Variants in FHOD3 observed in about 807,000 individuals in gnomAD.
The protein encoded by FHOD3 is FH1/FH2 domain-containing protein 3.
FHOD3 carries 90 observed loss-of-function variants against 173.0 expected under a neutral mutation model. That is an observed-to-expected ratio of 0.52 (90% confidence interval 0.44 to 0.62). The LOEUF is 0.62. Ranked by LOEUF, FHOD3 falls within the 20% of genes least tolerant of loss-of-function variation. The pLI, the probability that FHOD3 is intolerant of heterozygous loss-of-function variation, is 0.00. For synonymous variants in FHOD3, 828 were observed against 823.0 expected (o/e 1.01, Z -0.10); for missense variants, 1,945 against 2,034.7 (o/e 0.96, Z 0.85).
At chr18:36,717,651 GGACT>G (rs1247859225) in intron 18 of FHOD3, among the ~76,000 whole-genome samples, 177 bp from the exon 19 acceptor site, 4 of 152,090 alleles carry the variant, frequency 2.6e-5, no homozygotes, top group African/African-American at 9.7e-5. Flanking sequence ...TGGGTCTTTG[GGACT>G]ATAAAGCAGC....
chr18:36,378,831 C>T (rs2047588478), intron 3 of FHOD3, among the ~76,000 whole-genome samples: 1 of 152,058 alleles, frequency 6.6e-6, no homozygotes, highest in South Asian at 2.1e-4. Flanking sequence ...TACAGGCATG[C>T]ACCACCATGC....
intron 1 of FHOD3, among the ~76,000 whole-genome samples, chr18:36,305,547 G>T (rs1276298840): frequency 6.6e-6 from 1 of 152,220 alleles, no homozygotes; most frequent in Non-Finnish European, 1.5e-5. Flanking sequence ...AGAATGAAAT[G>T]CCAGAGCTGT....
At chr18:36,380,583 C>T (rs8086465) in intron 3 of FHOD3, among the ~76,000 whole-genome samples, 226 of 81,270 alleles carry the variant, frequency 2.8e-3, no homozygotes, top group African/African-American at 7.5e-3. Context: ...TTTTCTTTTC[C>T]TTTCCTTTCC....
Position 36,718,230 on chromosome 18 carries a change from T to C in FHOD3, c.2932T>C (p.Tyr978His), listed in dbSNP as rs1387084576. The change falls in exon 19 of 29, where the codon TAC (tyrosine) becomes CAC (histidine). Residue 978 changes from tyrosine (Y) to histidine (H), a missense_variant. This residue lies in a region of FHOD3 where 1,099 missense variants were observed against 1,051.2 expected (regional missense o/e 1.05). Coordinates refer to ENST00000590592, the MANE Select transcript of FHOD3 (RefSeq NM_001281740.3). ...APVQPKTESDYIWDQLMANPR... is the reference protein window; with the variant it reads ...APVQPKTESDHIWDQLMANPR... ...GGTGCAGCCGAAGACAGAGTCTGAT[T>C]ACATCTGGGACCAGCTCATGGCCAA... 3.7e-6 allele frequency: 6 copies of C among 1,614,138 alleles called. No individual in the cohort carries two copies.
intron 1 of FHOD3, among the ~76,000 whole-genome samples, chr18:36,336,710 G>A (rs1285909111): frequency 6.6e-6 from 1 of 151,088 alleles, no homozygotes; most frequent in East Asian, 1.9e-4. Flanking sequence ...TTATCCAGAT[G>A]TGGTGACATG....
At chr18:36,602,116 A>T (rs144882035) in intron 7 of FHOD3, among the ~76,000 whole-genome samples, 2,130 of 152,208 alleles carry the variant, frequency 0.014, 48 homozygotes, top group African/African-American at 0.049. Context: ...TAGATTATAA[A>T]CCTATTGAGG....
chr18:36,477,612 T>C (rs1178234696), intron 3 of FHOD3, among the ~76,000 whole-genome samples: 1 of 150,360 alleles, frequency 6.7e-6, no homozygotes, highest in Non-Finnish European at 1.5e-5. Flanking sequence ...TCTACCTATC[T>C]ATCTATATCT....
chr18:36,298,562 G>A (rs2091869669), intron 1 of FHOD3, among the ~76,000 whole-genome samples: 1 of 152,132 alleles, frequency 6.6e-6, no homozygotes, highest in Non-Finnish European at 1.5e-5. Context: ...GGGGACGCCG[G>A]CCGCACACTG....
chr18:36,358,683 T>A (rs1197565672), intron 2 of FHOD3, among the ~76,000 whole-genome samples: 2 of 152,174 alleles, frequency 1.3e-5, no homozygotes, highest in African/African-American at 4.8e-5. Context: ...AATTTAAATT[T>A]TTAATTATTT....
rs1024193654 is a variant in FHOD3 at position 36,445,815 on chromosome 18, C to T, written c.338-56117C>T. On this transcript the variant is annotated intron_variant, in intron 3 of 28. Transcript: ENST00000590592. Reference sequence around the variant, plus strand: ...CATGGGCATGTCCAGGTAGTTGCAGCGAGGCTCCCTCGCTGCGGTCAGCCA... The same window carrying T: ...CATGGGCATGTCCAGGTAGTTGCAGTGAGGCTCCCTCGCTGCGGTCAGCCA... 2.0e-5 allele frequency among the ~76,000 whole-genome samples: 3 copies of T among 152,158 alleles called. 1 individual carries two copies. The highest frequency in any genetic ancestry group is 4.4e-5 in the Non-Finnish European group (3 of 68,026).
intron 18 of FHOD3, among the ~76,000 whole-genome samples, chr18:36,716,908 A>G (rs989913306): frequency 7.4e-6 from 1 of 135,254 alleles, no homozygotes; most frequent in African/African-American, 3.1e-5. Context: ...GAAATTATAT[A>G]TGTGTATGTG....
At chr18:36,743,973 C>A (rs1334585943) in intron 22 of FHOD3, 59 bp from the exon 23 acceptor site, 2 of 1,582,670 alleles carry the variant, frequency 1.3e-6, no homozygotes, top group African/African-American at 1.3e-5. Flanking sequence ...CCTAACCATC[C>A]TGTGCTATTC....
At chr18:36,391,004 A>G (rs553829452) in intron 3 of FHOD3, among the ~76,000 whole-genome samples, 16 of 152,372 alleles carry the variant, frequency 1.1e-4, no homozygotes, top group Admixed American at 5.2e-4. Context: ...AATATTCACC[A>G]GAAAGTGATC....
At chr18:36,736,266 T>G (rs903941963) in intron 20 of FHOD3, among the ~76,000 whole-genome samples, 1 of 152,252 alleles carries the variant, frequency 6.6e-6, no homozygotes, top group African/African-American at 2.4e-5. Context: ...GTGTACAGTG[T>G]GCACTGTTAG....
In FHOD3 at chr18:36,780,129, A is replaced by G. The variant is rs1052455451; in HGVS notation, c.*599A>G. On this transcript the variant is annotated 3_prime_UTR_variant, in exon 29 of 29. Transcript: ENST00000590592. ...ACAGGCTCGCCTCTTCAGAATGGCA[A>G]AACTCTTCTCAGTGTCCTCAGAAGC... 8.1e-7 allele frequency: 1 copy of G among 1,232,082 alleles called. No individual in the cohort carries two copies. Among genetic ancestry groups the G allele is most frequent in the African/African-American group, 1.6e-5 (1 of 64,426 alleles). The allele number at this position is 1,232,082 out of a possible 1,614,324, so 76.3% of individuals were successfully genotyped here.
intron 15 of FHOD3, among the ~76,000 whole-genome samples, chr18:36,685,582 G>A (rs1003771815): frequency 1.3e-5 from 2 of 152,194 alleles, no homozygotes; most frequent in African/African-American, 2.4e-5. Context: ...TAGTTCTAGT[G>A]TGGAAAGTGA....
At chr18:36,417,155 T>G (rs944935070) in intron 3 of FHOD3, among the ~76,000 whole-genome samples, 4 of 152,206 alleles carry the variant, frequency 2.6e-5, no homozygotes, top group Non-Finnish European at 5.9e-5. Flanking sequence ...GTACAGATTA[T>G]TTCATCACCC....
chr18:36,438,561 C>G (rs1389858925), intron 3 of FHOD3, among the ~76,000 whole-genome samples: 1 of 152,166 alleles, frequency 6.6e-6, no homozygotes, highest in Non-Finnish European at 1.5e-5. Flanking sequence ...AGCAGCCCCT[C>G]AAACTCAGCA....
chr18:36,741,066 C>T (rs1401841853), intron 21 of FHOD3, among the ~76,000 whole-genome samples: 5 of 152,108 alleles, frequency 3.3e-5, no homozygotes, highest in Non-Finnish European at 5.9e-5. Flanking sequence ...ATTGTGGGCA[C>T]CAGGTCACTG....
Sources: allele counts gnomAD v4.1 joint callset (sites outside exome capture counted in the v4.1 genomes callset), GRCh38; gene constraint gnomAD v4.1.1; regional missense constraint gnomAD v4.1.1; transcripts MANE v1.5; gene names NCBI Gene and HGNC (gene_info 2026-07-23, HGNC 2026-07-21).